Variants in RALYL observed in about 807,000 individuals in gnomAD.
The protein encoded by RALYL is RALY RNA binding protein like.
Under a neutral mutation model 35.1 loss-of-function variants are expected in RALYL, and 29 were observed. The observed-to-expected ratio is 0.83, with a 90% CI of 0.61 to 1.13. The LOEUF is 1.13. Among genes scored for constraint, RALYL ranks in the 50% most tolerant of loss-of-function variants. The probability of loss-of-function intolerance (pLI) is 0.00; values close to 1 mark genes in which losing one functional copy is unlikely to be tolerated. For synonymous variants in RALYL, 120 were observed against 127.6 expected (o/e 0.94, Z 0.40); for missense variants, 359 against 360.4 (o/e 1.00, Z 0.03).
chr8:84,638,803 A>G (rs1825612940), intron 2 of RALYL, among the ~76,000 whole-genome samples: 1 of 148,296 alleles, frequency 6.7e-6, no homozygotes, highest in South Asian at 2.1e-4. Flanking sequence ...AGTTAACTAA[A>G]CTATGTTGTT....
At chr8:84,434,338 G>C (rs1385669333) in intron 1 of RALYL, among the ~76,000 whole-genome samples, 1 of 152,080 alleles carries the variant, frequency 6.6e-6, no homozygotes, top group Non-Finnish European at 1.5e-5. Context: ...TTTAACATAT[G>C]AATTTGAGGG....
intron 1 of RALYL, among the ~76,000 whole-genome samples, chr8:84,189,939 A>G (rs1813455334): frequency 6.6e-6 from 1 of 152,178 alleles, no homozygotes; most frequent in South Asian, 2.1e-4. Context: ...CATCTCTTCA[A>G]GACGGGTTTT....
At chr8:84,742,470 A>G (rs10112927) in intron 2 of RALYL, among the ~76,000 whole-genome samples, 62,588 of 151,764 alleles carry the variant, frequency 0.41, 14,170 homozygotes, top group African/African-American at 0.58. Flanking sequence ...TTAAAAAAAA[A>G]TTAACCTGAA....
intron 1 of RALYL, among the ~76,000 whole-genome samples, chr8:84,489,813 A>T (rs1362790812): frequency 6.6e-6 from 1 of 152,016 alleles, no homozygotes; most frequent in Non-Finnish European, 1.5e-5. Context: ...ACACAGAAAG[A>T]CCCAAAGTGC....
chr8:84,418,639 G>T (rs534588691), intron 1 of RALYL, among the ~76,000 whole-genome samples: 1 of 151,816 alleles, frequency 6.6e-6, no homozygotes, highest in Non-Finnish European at 1.5e-5. Context: ...CTCTCCCCCA[G>T]AAAAAAAGAA....
At chr8:84,668,391 G>T (rs1453362317) in intron 2 of RALYL, among the ~76,000 whole-genome samples, 1 of 152,112 alleles carries the variant, frequency 6.6e-6, no homozygotes, top group Admixed American at 6.6e-5. Flanking sequence ...TGGTGTGTGT[G>T]TACGTATGTA....
intron 1 of RALYL, among the ~76,000 whole-genome samples, chr8:84,245,964 A>G (rs1288418382): frequency 6.6e-6 from 1 of 152,198 alleles, no homozygotes; most frequent in Non-Finnish European, 1.5e-5. Context: ...CTTCACAGAA[A>G]AGAGAGCATG....
chr8:84,547,919 G>A (rs185582274), intron 2 of RALYL, among the ~76,000 whole-genome samples: 54 of 152,198 alleles, frequency 3.5e-4, no homozygotes, highest in African/African-American at 1.3e-3. Flanking sequence ...AGGCTAATGG[G>A]AATAATATTC....
chr8:84,328,860 T>G (rs1426564614), intron 1 of RALYL, among the ~76,000 whole-genome samples: 1 of 152,176 alleles, frequency 6.6e-6, no homozygotes, highest in East Asian at 1.9e-4. Context: ...CATGGAGTAT[T>G]TGGTTTTCTG....
intron 2 of RALYL, among the ~76,000 whole-genome samples, chr8:84,672,390 T>C (rs1833435086): frequency 1.3e-5 from 2 of 152,200 alleles, no homozygotes; most frequent in African/African-American, 4.8e-5. Flanking sequence ...GTTCCAAACT[T>C]TCCCACATTT....
intron 4 of RALYL, among the ~76,000 whole-genome samples, chr8:84,837,043 A>G (rs999202042): frequency 3.9e-5 from 6 of 152,172 alleles, no homozygotes; most frequent in African/African-American, 1.4e-4. Flanking sequence ...TGCAAGGTCC[A>G]GTTCAAATGC....
chr8:84,769,485 A>G (rs1211002920), intron 2 of RALYL, among the ~76,000 whole-genome samples: 2 of 152,144 alleles, frequency 1.3e-5, no homozygotes, highest in Non-Finnish European at 2.9e-5. Flanking sequence ...CTGGCCCAGC[A>G]CGGTGGCTCA....
chr8:84,546,956 T>G (rs1282682337), intron 2 of RALYL, among the ~76,000 whole-genome samples: 1 of 128,338 alleles, frequency 7.8e-6, no homozygotes. Flanking sequence ...AGTTCTAATT[T>G]TAATTTTTTT....
chr8:84,528,922 C>G (rs988251500), intron 1 of RALYL, among the ~76,000 whole-genome samples: 2 of 152,084 alleles, frequency 1.3e-5, no homozygotes, highest in Admixed American at 1.3e-4. Context: ...TTTATTACAT[C>G]TATCATCAGA....
intron 2 of RALYL, among the ~76,000 whole-genome samples, chr8:84,567,088 G>A (rs906297634): frequency 6.6e-6 from 1 of 151,618 alleles, no homozygotes; most frequent in Non-Finnish European, 1.5e-5. Context: ...GAATAGGGTT[G>A]TTTATTTTGT....
intron 1 of RALYL, among the ~76,000 whole-genome samples, chr8:84,501,953 T>C (rs1374361155): frequency 1.3e-5 from 2 of 151,596 alleles, no homozygotes; most frequent in African/African-American, 2.4e-5. Flanking sequence ...CCTTAGACCA[T>C]TGAAAATATA....
At chr8:84,705,735 A>C (rs1355546518) in intron 2 of RALYL, among the ~76,000 whole-genome samples, 1 of 152,186 alleles carries the variant, frequency 6.6e-6, no homozygotes, top group Non-Finnish European at 1.5e-5. Flanking sequence ...TGCTTCATGG[A>C]CAGCAGTTTA....
rs191086019 is a variant in RALYL at position 84,815,969 on chromosome 8, G to A, written c.365+11167G>A. 3.5e-3 allele frequency among the ~76,000 whole-genome samples: 509 copies of A among 145,748 alleles called. 4 individuals carry two copies. The highest frequency in any genetic ancestry group is 0.012 in the African/African-American group (477 of 39,394). ...GAATCATCTGAACCGGGGAGTCAGA[G>A]GTTGCAGTGAGCCGGGATCATGCCA... On this transcript the variant is annotated intron_variant, in intron 4 of 8. Transcript: ENST00000521268.
chr8:84,288,522 A>G (rs1251283905), intron 1 of RALYL, among the ~76,000 whole-genome samples: 1 of 145,386 alleles, frequency 6.9e-6, no homozygotes, highest in Non-Finnish European at 1.5e-5. Context: ...GAAAGTTTTT[A>G]ATGTCATGTT....
Sources: allele counts gnomAD v4.1 joint callset (sites outside exome capture counted in the v4.1 genomes callset), GRCh38; gene constraint gnomAD v4.1.1; transcripts MANE v1.5; gene names NCBI Gene and HGNC (gene_info 2026-07-23, HGNC 2026-07-21).